UBR4: variants seen among roughly 807,000 people sequenced by gnomAD.
UBR4 encodes ubiquitin protein ligase E3 component n-recognin 4, also known as E3 ubiquitin-protein ligase UBR4.
In UBR4, 124 loss-of-function variants were observed where a neutral mutation model predicts 575.6. The ratio of observed to expected loss-of-function variants is 0.22; its 90% CI spans 0.19 to 0.25. UBR4 has a LOEUF of 0.25. UBR4 is among the 10% of genes least tolerant of loss of function. The pLI is 1.00. For missense variants in UBR4, 4,818 were observed against 6,478.8 expected (o/e 0.74, Z 8.80); for synonymous variants, 2,455 against 2,473.7 (o/e 0.99, Z 0.22).
intron 49 of UBR4, among the ~76,000 whole-genome samples, chr1:19,149,965 A>G (rs1194923223): frequency 6.6e-6 from 1 of 152,170 alleles, no homozygotes; most frequent in East Asian, 1.9e-4. Flanking sequence ...AAGCAAGGCT[A>G]TTCTTGTGAC....
chr1:19,118,577 C>T (rs1226327301), intron 71 of UBR4: 15 of 319,396 alleles, frequency 4.7e-5, no homozygotes, highest in Non-Finnish European at 6.3e-5. Context: ...CACGCCACCA[C>T]GCCTGGCTAA....
At position 19,210,229 on chromosome 1, in the gene UBR4, T is replaced by G. The variant is rs1010351757; in HGVS notation, c.20A>C (p.Glu7Ala). 9 of 1,427,476 alleles carry G rather than the reference T, an allele frequency of 6.3e-6. No homozygotes were observed. Among genetic ancestry groups the G allele is most frequent in the African/African-American group, 1.5e-5 (1 of 66,820 alleles). 88.4% of individuals were successfully genotyped at this position (1,427,476 alleles called of 1,614,324 possible). Residue 7 changes from glutamate to alanine, a missense_variant, in exon 1 of 106, where the codon GAA (glutamate) becomes GCA (alanine). Glu to Ala is a moderately radical substitution (Grantham distance 107, BLOSUM62 -1). Around this residue, in one of 29 missense-constraint regions of UBR4, gnomAD observed 95 missense variants for 87.7 expected, o/e 1.08. Transcript: ENST00000375254. The stretch of plus-strand genomic sequence containing the variant: ...CGCCGGAGCCGCTGCCGCCGCCTCT[T>G]CGCCGCCGCTCGTCGCCATCTTCCG... MATSGG[E>A]EAAAAAPAPG...
At chr1:19,148,465 TA>T in intron 50 of UBR4, 97 bp downstream of exon 50, 3 of 1,435,664 alleles carry the variant, frequency 2.1e-6, no homozygotes, top group Non-Finnish European at 2.9e-6. Flanking sequence ...TATGCTACTA[TA>T]AATGTTCTTT....
chr1:19,124,143 C>T (rs1204103619), intron 65 of UBR4, among the ~76,000 whole-genome samples: 2 of 152,242 alleles, frequency 1.3e-5, no homozygotes, highest in South Asian at 2.1e-4. Flanking sequence ...ATAACTGCTT[C>T]AGGCAGTTAC....
Position 19,153,628 on chromosome 1 carries a change from G to A in UBR4, c.6631-126C>T. Reference sequence around the variant, plus strand: ...AGGGGCTGTACAGAAGGGTGGCAAAGAAAAGGCATCTAGAAGAAAAAGGAC... The same window carrying A: ...AGGGGCTGTACAGAAGGGTGGCAAAAAAAAGGCATCTAGAAGAAAAAGGAC... On this transcript the variant is annotated intron_variant, in intron 45 of 105. Transcript: ENST00000375254. This position sits in a 1 kb window ranked among gnomAD's most constrained non-coding sequence, Gnocchi z 4.1. 9 of 1,465,698 alleles carry A rather than the reference G, an allele frequency of 6.1e-6. 2 individuals are homozygous for A. The Middle Eastern group carries it at 1.8e-3, about 286-fold the overall frequency. The allele number at this position is 1,465,698 out of a possible 1,614,324, so 90.8% of individuals were successfully genotyped here.
At chr1:19,207,869 A>G (rs896585071) in intron 1 of UBR4, among the ~76,000 whole-genome samples, 9 of 152,204 alleles carry the variant, frequency 5.9e-5, no homozygotes, top group African/African-American at 2.2e-4. Context: ...AAACACAGCC[A>G]TGCCCATTCA....
At chr1:19,084,795 T>A in intron 101 of UBR4, 97 bp from the exon 102 acceptor site, 1 of 1,213,532 alleles carries the variant, frequency 8.2e-7, no homozygotes. Flanking sequence ...CCAGGCCTGA[T>A]GGCTGCAAAG....
At chr1:19,119,491 C>T (rs1225158933) in intron 70 of UBR4, 66 bp downstream of exon 70, 2 of 1,574,320 alleles carry the variant, frequency 1.3e-6, no homozygotes, top group Non-Finnish European at 8.7e-7. Flanking sequence ...TCATAATATT[C>T]TTAACTCAAG....
In UBR4 at chr1:19,177,623, G is replaced by A; in HGVS notation, c.2475C>T (p.Gly825=). The A allele has an allele frequency of 9.3e-6, 15 of 1,614,022 alleles. No homozygotes were observed. Among genetic ancestry groups the A allele is most frequent in the Non-Finnish European group, 1.2e-5 (14 of 1,179,998 alleles). Reference sequence around the variant, plus strand: ...CAAAAAGCGACAATATGGCCCGCCGGCCTGTCTCGGTGAAATTGTGGAAAA... The same window carrying A: ...CAAAAAGCGACAATATGGCCCGCCGACCTGTCTCGGTGAAATTGTGGAAAA... The part of the protein sequence containing the change: ...LLIFHNFTET[G]RRAILSLFVQ... The change falls in exon 19 of 106, where the codon GGC becomes GGT. Residue 825 remains glycine, a synonymous_variant. Coordinates refer to ENST00000375254, the MANE Select transcript of UBR4 (RefSeq NM_020765.3).
intron 39 of UBR4, 24 bp downstream of exon 39, chr1:19,160,087 A>G (rs1219312201): frequency 5.6e-6 from 9 of 1,596,140 alleles, no homozygotes; most frequent in Non-Finnish European, 7.7e-6. Context: ...CAGCCACCAA[A>G]CATCATGGCC....
rs999603568 is a variant in UBR4, at chr1:19,131,266, A to T, written c.8907-2192T>A. On this transcript the variant is annotated intron_variant, in intron 60 of 105. Transcript: ENST00000375254. ...CTTAAAAAAAAAAAAAAAAAAAAAA[A>T]AAATAAACACAGCACCAAAAACTGC... is the stretch of plus-strand genomic sequence containing the variant. 2.6e-3 allele frequency among the ~76,000 whole-genome samples: 381 copies of T among 148,738 alleles called. 4 individuals are homozygous for T. The highest frequency in any genetic ancestry group is 2.1e-3 in the Non-Finnish European group (143 of 66,976).
At chr1:19,205,953 G>A (rs549058321) in intron 1 of UBR4, among the ~76,000 whole-genome samples, 26 of 152,244 alleles carry the variant, frequency 1.7e-4, no homozygotes, top group Non-Finnish European at 3.1e-4. Flanking sequence ...TCAAATTGTC[G>A]AATGATAACC....
intron 11 of UBR4, among the ~76,000 whole-genome samples, chr1:19,190,563 C>T (rs964134590): frequency 1.3e-5 from 2 of 151,928 alleles, no homozygotes; most frequent in Admixed American, 6.6e-5. Context: ...GCCAATATTA[C>T]GTTTTTATTT....
In UBR4 at chr1:19,173,167, C is replaced by T. The variant is rs2089821112; in HGVS notation, c.3291+14G>A. 6.2e-7 allele frequency: 1 copy of T among 1,613,938 alleles called. No individual in the cohort carries two copies. Among genetic ancestry groups the T allele is most frequent in the African/African-American group, 1.3e-5 (1 of 74,902 alleles). ...GAAACCAAGTTCTATCATTTAGGTTCCAATATTACATACCTGTCGAGCGAA... is the reference window on the plus strand; with the variant it reads ...GAAACCAAGTTCTATCATTTAGGTTTCAATATTACATACCTGTCGAGCGAA... On this transcript the variant is annotated intron_variant, in intron 24 of 105. Transcript: ENST00000375254.
intron 52 of UBR4, among the ~76,000 whole-genome samples, chr1:19,146,381 T>C (rs2084873413): frequency 6.6e-6 from 1 of 152,174 alleles, no homozygotes; most frequent in Non-Finnish European, 1.5e-5. Flanking sequence ...AAAACAGGTT[T>C]GCTACCCAGC....
intron 9 of UBR4, 129 bp from the exon 10 acceptor site, chr1:19,192,669 C>T: frequency 2.0e-6 from 2 of 983,796 alleles, no homozygotes; most frequent in Admixed American, 2.1e-5. Flanking sequence ...TTCCATCGTA[C>T]TTTCCTTGAC....
Position 19,153,264 on chromosome 1 carries a change from C to T in UBR4, c.6832+37G>A. ...AGTCACTGTCTAGAAGACCACCATTCCTACTCCCCCACAAGTCATCTGAGA... is the reference window on the plus strand; with the variant it reads ...AGTCACTGTCTAGAAGACCACCATTTCTACTCCCCCACAAGTCATCTGAGA... On this transcript the variant is annotated intron_variant, in intron 46 of 105. Transcript: ENST00000375254. This position sits in a 1 kb window ranked among gnomAD's most constrained non-coding sequence, Gnocchi z 4.1. The T allele has an allele frequency of 6.2e-7, 1 of 1,608,490 alleles. No individual in the cohort carries two copies. Among genetic ancestry groups the T allele is most frequent in the Non-Finnish European group, 8.5e-7 (1 of 1,175,212 alleles).
rs2080412979 is a variant in UBR4 at position 19,115,488 on chromosome 1, A to G, written c.10973T>C (p.Leu3658Pro). The G allele has an allele frequency of 6.2e-7, 1 of 1,614,228 alleles. No individual in the cohort carries two copies. The change falls in exon 74 of 106, where the codon CTG becomes CCG. Residue 3658 changes from leucine to proline, a missense_variant. Around this residue, in one of 29 missense-constraint regions of UBR4, gnomAD observed 550 missense variants for 791.5 expected, o/e 0.69. Transcript: ENST00000375254. ...YENYQASTET[L>P]QCPRCSASVP... is the part of the protein sequence containing the mutation. ...CGAGGCACTACAGCGAGGGCACTGC[A>G]GGGTCTCTGTGGAGGCCTGGTAGTT...
At chr1:19,201,200 A>T (rs1333974312) in intron 2 of UBR4, among the ~76,000 whole-genome samples, 1 of 152,256 alleles carries the variant, frequency 6.6e-6, no homozygotes, top group Non-Finnish European at 1.5e-5. Context: ...GATTTTAGAC[A>T]AATGTAAAAA....
Sources: allele counts gnomAD v4.1 joint callset (sites outside exome capture counted in the v4.1 genomes callset), GRCh38; gene constraint gnomAD v4.1.1; regional missense constraint gnomAD v4.1.1; non-coding constraint Gnocchi (gnomAD v3.1); transcripts MANE v1.5; gene names NCBI Gene and HGNC (gene_info 2026-07-23, HGNC 2026-07-21).